Variants in AFF2 observed in about 807,000 individuals in gnomAD.
AFF2 encodes the protein ALF transcription elongation factor 2.
Under a neutral mutation model 76.9 loss-of-function variants are expected in AFF2, and 14 were observed. The ratio of observed to expected loss-of-function variants is 0.18; its 90% confidence interval spans 0.12 to 0.28. AFF2 has a LOEUF of 0.28. Ranked by LOEUF, AFF2 falls within the 10% of genes least tolerant of loss-of-function variation. The probability of loss-of-function intolerance (pLI) is 1.00; values close to 1 mark genes in which losing one functional copy is unlikely to be tolerated. For synonymous variants in AFF2, 398 were observed against 366.7 expected (o/e 1.09, Z -0.98); for missense variants, 868 against 1,001.1 (o/e 0.87, Z 1.79).
intron 5 of AFF2, among the ~76,000 whole-genome samples, chrX:148,839,486 A>G (rs2070570127): frequency 8.9e-6 from 1 of 112,046 alleles, no homozygotes; most frequent in Non-Finnish European, 1.9e-5. Flanking sequence ...CAGAGGAGGA[A>G]ACATGGTAGT....
At chrX:148,983,951 G>GAAA (rs1569558020) in intron 19 of AFF2, among the ~76,000 whole-genome samples, 1 of 2,853 alleles carries the variant, frequency 3.5e-4, no homozygotes, top group Non-Finnish European at 0.013. Flanking sequence ...GAGTGAAATA[G>GAAA]ACAAAAAAAA....
intron 7 of AFF2, among the ~76,000 whole-genome samples, chrX:148,862,506 G>A (rs1557276498): frequency 8.9e-6 from 1 of 111,791 alleles, no homozygotes; most frequent in East Asian, 2.8e-4. Context: ...TTCCCATTAT[G>A]CCCTCATTTT....
intron 1 of AFF2, among the ~76,000 whole-genome samples, chrX:148,615,826 C>G (rs2053793054): frequency 9.0e-6 from 1 of 111,573 alleles, no homozygotes; most frequent in African/African-American, 3.3e-5. Flanking sequence ...GAGCATACCA[C>G]TCTTGCCCCC....
chrX:148,941,857 A>ATACACG (rs1569557323), intron 9 of AFF2, among the ~76,000 whole-genome samples: 1 of 112,058 alleles, frequency 8.9e-6, no homozygotes. Context: ...GTTGATACAC[A>ATACACG]TTTCACAGTT....
intron 9 of AFF2, among the ~76,000 whole-genome samples, chrX:148,908,429 T>C (rs1226234171): frequency 8.9e-6 from 1 of 112,208 alleles, no homozygotes; most frequent in African/African-American, 3.2e-5. Flanking sequence ...TCACAATTTA[T>C]GTTCTTCTAC....
At position 148,951,816 on chromosome X, in the gene AFF2, T is replaced by TC. The variant is rs11344516; in HGVS notation, c.1398-1757dup. Among the ~76,000 whole-genome samples, 561 of 110,824 alleles carry TC rather than the reference T, an allele frequency of 5.1e-3. 1 individual carries two copies. The highest frequency in any genetic ancestry group is 0.023 in the Middle Eastern group (5 of 218). On this transcript the variant is annotated intron_variant, in intron 9 of 20. Transcript: ENST00000370460. ...AGCCCTGTTATAGGTCTCCTCCCTT[T>TC]CCCCCCCACTGCTGGAGAAAGACAC...
intron 9 of AFF2, among the ~76,000 whole-genome samples, chrX:148,945,630 A>T (rs781832132): frequency 2.7e-5 from 3 of 112,028 alleles, no homozygotes; most frequent in Admixed American, 1.9e-4. Flanking sequence ...GGTTAATAAG[A>T]TCTCCAGGTG....
intron 3 of AFF2, among the ~76,000 whole-genome samples, chrX:148,696,698 G>T (rs183943068): frequency 1.1e-3 from 123 of 112,100 alleles, no homozygotes; most frequent in African/African-American, 3.7e-3. Flanking sequence ...TCACATGTCA[G>T]TGTTGTGTTT....
At chrX:148,984,867 A>G (rs932267350) in intron 19 of AFF2, among the ~76,000 whole-genome samples, 1 of 111,818 alleles carries the variant, frequency 8.9e-6, no homozygotes, top group South Asian at 3.8e-4. Context: ...AGCAAGGAGA[A>G]GGGATATGCT....
chrX:148,744,116 T>A (rs1261970307), intron 3 of AFF2, among the ~76,000 whole-genome samples: 3 of 110,429 alleles, frequency 2.7e-5, no homozygotes, highest in Non-Finnish European at 5.7e-5. Context: ...CCAAGCAGAA[T>A]ACCCTTATAT....
intron 3 of AFF2, among the ~76,000 whole-genome samples, chrX:148,663,906 G>A (rs1318719152): frequency 8.9e-6 from 1 of 112,094 alleles, no homozygotes; most frequent in Non-Finnish European, 1.9e-5. Context: ...GCCTGGGGCT[G>A]TTGACTATAT....
chrX:148,791,834 A>G (rs1557269955), intron 3 of AFF2, among the ~76,000 whole-genome samples: 1 of 111,559 alleles, frequency 9.0e-6, no homozygotes, highest in Non-Finnish European at 1.9e-5. Flanking sequence ...CCGGGTGTAT[A>G]TAACTTTATG....
intron 1 of AFF2, among the ~76,000 whole-genome samples, chrX:148,554,927 C>G (rs1191924420): frequency 8.9e-6 from 1 of 112,378 alleles, no homozygotes; most frequent in Admixed American, 9.4e-5. Flanking sequence ...ACAGGTCAAC[C>G]CCTGCAGAGA....
At chrX:148,895,391 C>T (rs1291814570) in intron 8 of AFF2, among the ~76,000 whole-genome samples, 3 of 111,442 alleles carry the variant, frequency 2.7e-5, no homozygotes, top group African/African-American at 9.8e-5. Flanking sequence ...GTGTTAATAC[C>T]CATGTAATTT....
chrX:148,762,486 G>GTGTGTA (rs2124588571), intron 3 of AFF2, among the ~76,000 whole-genome samples: 1 of 103,556 alleles, frequency 9.7e-6, no homozygotes, highest in East Asian at 2.9e-4. Flanking sequence ...GTATATGTGT[G>GTGTGTA]TGTGTGTGTG....
intron 1 of AFF2, among the ~76,000 whole-genome samples, chrX:148,546,303 C>T (rs782097327): frequency 2.5e-4 from 28 of 111,632 alleles, no homozygotes; most frequent in Non-Finnish European, 4.5e-4. Context: ...TTGGGATTGA[C>T]ACCTGCGCAG....
chrX:148,550,574 C>T (rs1432650480), intron 1 of AFF2, among the ~76,000 whole-genome samples: 1 of 111,652 alleles, frequency 9.0e-6, no homozygotes, highest in Non-Finnish European at 1.9e-5. Flanking sequence ...GCTCCCCCAT[C>T]AAGCTATGAT....
At chrX:148,579,261 A>G (rs1834308930) in intron 1 of AFF2, among the ~76,000 whole-genome samples, 1 of 111,975 alleles carries the variant, frequency 8.9e-6, no homozygotes, top group South Asian at 3.7e-4. Flanking sequence ...GTATGTCTGT[A>G]ATTGATGGCT....
chrX:148,773,682 G>GA lies in AFF2; in HGVS notation c.1042-36192dup, dbSNP rs1557268270. Among the ~76,000 whole-genome samples the GA allele has an allele frequency of 8.6e-3, 657 of 76,445 alleles. 2 individuals are homozygous for GA. Among genetic ancestry groups the GA allele is most frequent in the African/African-American group, 0.016 (200 of 12,838 alleles). The allele number at this position is 76,445 out of a possible 115,157, so 66.4% of individuals were successfully genotyped here. A position where few individuals can be genotyped will look rare whatever the true frequency, so the allele number is the denominator to read the frequency against. On this transcript the variant is annotated intron_variant, in intron 3 of 20. Coordinates refer to ENST00000370460, the MANE Select transcript of AFF2 (RefSeq NM_002025.4). ...GGAAGGAAGGAAAGAAGGAAGGAAG[G>GA]AAGGAAAGAAAGAAAGAAAGAAAGA... is the stretch of plus-strand genomic sequence containing the variant.
Sources: gnomAD v4.1 joint callset for allele counts (sites outside exome capture counted in the v4.1 genomes callset) on GRCh38, gnomAD v4.1.1 for gene constraint, MANE v1.5 for transcripts, NCBI Gene and HGNC (gene_info 2026-07-23, HGNC 2026-07-21) for gene names.